Variants in ACSBG1 observed in about 807,000 individuals in gnomAD.
ACSBG1 encodes the protein acyl-CoA synthetase bubblegum family member 1.
A neutral mutation model predicts 80.2 loss-of-function variants in ACSBG1; 39 were observed. The ratio of observed to expected loss-of-function variants is 0.49; its 90% CI spans 0.38 to 0.64. The LOEUF is 0.64. Ranked by LOEUF, ACSBG1 falls within the 30% of genes least tolerant of loss-of-function variation. The pLI, the probability that ACSBG1 is intolerant of heterozygous loss-of-function variation, is 0.00. For missense variants in ACSBG1, 828 were observed against 966.4 expected (o/e 0.86, Z 1.90); for synonymous variants, 392 against 379.5 (o/e 1.03, Z -0.38).
At chr15:78,212,787 C>T (rs545131107) in intron 1 of ACSBG1, 3 of 331,738 alleles carry the variant, frequency 9.0e-6, no homozygotes, top group Admixed American at 7.5e-5. Flanking sequence ...GGGACAGCTG[C>T]CCTCTTTCCT....
In ACSBG1 at chr15:78,173,667, G is replaced by A. The variant is rs912390016; in HGVS notation, c.2015C>T (p.Ala672Val). The A allele has an allele frequency of 3.1e-6, 5 of 1,614,202 alleles. No individual in the cohort carries two copies. Among genetic ancestry groups the A allele is most frequent in the South Asian group, 1.1e-5 (1 of 91,078 alleles). The part of the protein sequence containing the change: ...EEGIRRVNMN[A>V]AARPYHIQKW... Reference sequence around the variant, plus strand: ...CTGGATGTGGTAGGGCCGGGCCGCCGCGTTCATGTTGACCCTCCGGATCCC... The same window carrying A: ...CTGGATGTGGTAGGGCCGGGCCGCCACGTTCATGTTGACCCTCCGGATCCC... Residue 672 changes from alanine (A) to valine (V), a missense_variant, in exon 13 of 14, where the codon GCG becomes GTG. Physicochemically the swap from Ala to Val is moderately conservative, Grantham distance 64 (BLOSUM62 0). Around this residue, in one of 3 missense-constraint regions of ACSBG1, gnomAD observed 201 missense variants for 227.0 expected, o/e 0.89. Coordinates refer to ENST00000258873, the MANE Select transcript of ACSBG1 (RefSeq NM_015162.5).
Position 78,171,526 on chromosome 15 carries a change from G to C in ACSBG1, c.2093C>G (p.Pro698Arg). ...TGTGAGCCGTTTCAGTTTCATCGTG[G>C]GACCTAAAAGGGAAATGAGAAGAAA... ...DFSISGGELG[P>R]TMKLKRLTVL... is the part of the protein sequence containing the mutation. The change falls in exon 14 of 14, where the codon CCC becomes CGC. Residue 698 changes from proline (P) to arginine (R), a missense_variant. This residue lies in a region of ACSBG1 where 201 missense variants were observed against 227.0 expected (regional missense o/e 0.89). Transcript: ENST00000258873. 1 of 1,613,836 alleles carries C rather than the reference G, an allele frequency of 6.2e-7. No individual in the cohort carries two copies. Among genetic ancestry groups the C allele is most frequent in the Non-Finnish European group, 8.5e-7 (1 of 1,179,762 alleles).
intron 2 of ACSBG1, among the ~76,000 whole-genome samples, chr15:78,200,205 T>C (rs2075154043): frequency 6.6e-6 from 1 of 152,182 alleles, no homozygotes; most frequent in Non-Finnish European, 1.5e-5. Context: ...AAGGAGGGAA[T>C]GAGGCATGGG....
chr15:78,219,706 C>T (rs953411089), intron 1 of ACSBG1, among the ~76,000 whole-genome samples: 6 of 152,160 alleles, frequency 3.9e-5, no homozygotes, highest in African/African-American at 1.4e-4. Context: ...AAGACCTGGC[C>T]GGGCGCGGTG....
At chr15:78,180,702 T>C in intron 9 of ACSBG1, 53 bp downstream of exon 9, 1 of 1,582,384 alleles carries the variant, frequency 6.3e-7, no homozygotes, top group Non-Finnish European at 8.6e-7. Flanking sequence ...GTGTTTTGGG[T>C]TATGACCCAG....
At chr15:78,207,797 A>C (rs1184281324) in intron 2 of ACSBG1, 2 of 583,370 alleles carry the variant, frequency 3.4e-6, no homozygotes, top group Admixed American at 2.9e-5. Context: ...CCCATCCCTC[A>C]TTCCTTTCCA....
At chr15:78,186,305 A>C (rs1412476957) in intron 5 of ACSBG1, among the ~76,000 whole-genome samples, 1 of 152,228 alleles carries the variant, frequency 6.6e-6, no homozygotes, top group Non-Finnish European at 1.5e-5. Flanking sequence ...AATTGAACTC[A>C]GCTCTGCACC....
chr15:78,206,308 C>T (rs939498490), intron 2 of ACSBG1, among the ~76,000 whole-genome samples: 1 of 152,192 alleles, frequency 6.6e-6, no homozygotes, highest in Non-Finnish European at 1.5e-5. Context: ...CTGAGGACAG[C>T]CACAGGTCCT....
In ACSBG1 at chr15:78,172,509, G is replaced by T. The variant is rs1015210215; in HGVS notation, c.2090-980C>A. ...TGAAAGAGCTCTGATTTGAGGTCCT[G>T]GGTAGCTTAAAGTGCCTAACTCACT... On this transcript the variant is annotated intron_variant, in intron 13 of 13. Coordinates refer to ENST00000258873, the MANE Select transcript of ACSBG1 (RefSeq NM_015162.5). This position sits in a 1 kb window ranked among gnomAD's most constrained non-coding sequence, Gnocchi z 4.1. Among the ~76,000 whole-genome samples the T allele has an allele frequency of 9.2e-5, 14 of 152,142 alleles. No homozygotes were observed. The highest frequency in any genetic ancestry group is 1.9e-4 in the Non-Finnish European group (13 of 68,030).
rs958138352 is a variant in ACSBG1 at position 78,172,851 on chromosome 15, A to C, written c.2089+742T>G. On this transcript the variant is annotated intron_variant, in intron 13 of 13. Transcript: ENST00000258873. This position sits in a 1 kb window ranked among gnomAD's most constrained non-coding sequence, Gnocchi z 4.1. ...AGAGCCCTCTCCTGGTTCTGTGGGCAGTGGTCCGGAACAGCCTTATCCCTT... is the reference window on the plus strand; with the variant it reads ...AGAGCCCTCTCCTGGTTCTGTGGGCCGTGGTCCGGAACAGCCTTATCCCTT... Among the ~76,000 whole-genome samples, 2 of 152,210 alleles carry C rather than the reference A, an allele frequency of 1.3e-5. No individual in the cohort carries two copies. Among genetic ancestry groups the C allele is most frequent in the Admixed American group, 6.5e-5 (1 of 15,284 alleles).
chr15:78,170,573 C>G lies in ACSBG1; in HGVS notation c.*871G>C, dbSNP rs1170970993. 6.6e-6 allele frequency: 1 copy of G among 152,266 alleles called. No individual in the cohort carries two copies. The highest frequency in any genetic ancestry group is 1.5e-5 in the Non-Finnish European group (1 of 68,046). 9.4% of individuals were successfully genotyped at this position (152,266 alleles called of 1,614,324 possible). A position where few individuals can be genotyped will look rare whatever the true frequency, so the allele number is the denominator to read the frequency against. ...TTGCTTTCTCTACCTGTTTCCTGTT[C>G]AGATGCCTTCGGTCATTTTGGCTCA... On this transcript the variant is annotated 3_prime_UTR_variant, in exon 14 of 14. Coordinates refer to ENST00000258873, the MANE Select transcript of ACSBG1 (RefSeq NM_015162.5).
intron 2 of ACSBG1, 30 bp downstream of exon 2, chr15:78,207,972 G>GC (rs764143168): frequency 1.3e-6 from 1 of 771,044 alleles, no homozygotes; most frequent in Non-Finnish European, 2.1e-6. Flanking sequence ...TTCCCGCCCT[G>GC]CCCCACCCTA....
chr15:78,178,866 G>GAGCC lies in ACSBG1; in HGVS notation c.1485-39_1485-36dup. The GAGCC allele has an allele frequency of 6.4e-7, 1 of 1,567,532 alleles. No homozygotes were observed. Among genetic ancestry groups the GAGCC allele is most frequent in the Non-Finnish European group, 8.6e-7 (1 of 1,160,722 alleles). ...GAGGGGCCGGGAGACTGGTCAGAGG[G>GAGCC]AGCCGTCTCCTCCAAGCCCCCACTG... On this transcript the variant is annotated intron_variant, in intron 10 of 13. Coordinates refer to ENST00000258873, the MANE Select transcript of ACSBG1 (RefSeq NM_015162.5). This position sits in a 1 kb window ranked among gnomAD's most constrained non-coding sequence, Gnocchi z 4.3.
In ACSBG1 at chr15:78,182,358, G is replaced by A; in HGVS notation, c.894+108C>T. 3 of 1,472,970 alleles carry A rather than the reference G, an allele frequency of 2.0e-6. No homozygotes were observed. In the South Asian group the frequency reaches 3.7e-5, roughly 18 times the overall value. The allele number at this position is 1,472,970 out of a possible 1,614,324, so 91.2% of individuals were successfully genotyped here. A position where few individuals can be genotyped will look rare whatever the true frequency, so the allele number is the denominator to read the frequency against. On this transcript the variant is annotated intron_variant, in intron 7 of 13. Transcript: ENST00000258873. ...TGTTCTACCTATCCCAGCTCCTAGAGCAGAGGGGCCCAAGGAGCTTTCCCA... is the reference window on the plus strand; with the variant it reads ...TGTTCTACCTATCCCAGCTCCTAGAACAGAGGGGCCCAAGGAGCTTTCCCA...
intron 1 of ACSBG1, among the ~76,000 whole-genome samples, chr15:78,232,417 A>G (rs574360639): frequency 2.0e-5 from 3 of 152,156 alleles, no homozygotes; most frequent in Non-Finnish European, 4.4e-5. Context: ...TTCTGCCTCA[A>G]GTTTGCCTAC....
intron 2 of ACSBG1, among the ~76,000 whole-genome samples, chr15:78,200,976 C>T (rs767176000): frequency 3.2e-4 from 48 of 152,204 alleles, no homozygotes; most frequent in Non-Finnish European, 4.6e-4. Flanking sequence ...CTCCCAGTTC[C>T]CTTTGGTTCC....
At chr15:78,214,296 G>A (rs2075290796) in intron 1 of ACSBG1, among the ~76,000 whole-genome samples, 3 of 152,172 alleles carry the variant, frequency 2.0e-5, no homozygotes, top group East Asian at 1.9e-4. Context: ...CACTTAGGGA[G>A]CTCACACACT....
chr15:78,171,616 T>C (rs1330158260), intron 13 of ACSBG1, 87 bp from the exon 14 acceptor site: 7 of 1,112,670 alleles, frequency 6.3e-6, no homozygotes, highest in African/African-American at 1.6e-5. Flanking sequence ...CTCAGTCCTA[T>C]ATATAACTCA....
At chr15:78,232,655 C>T (rs1404860419) in intron 1 of ACSBG1, among the ~76,000 whole-genome samples, 1 of 152,092 alleles carries the variant, frequency 6.6e-6, no homozygotes, top group Non-Finnish European at 1.5e-5. Flanking sequence ...GCCTGTCTAC[C>T]CCTGCTCTGG....
Sources: gnomAD v4.1 joint callset for allele counts (sites outside exome capture counted in the v4.1 genomes callset) on GRCh38, gnomAD v4.1.1 for gene constraint, gnomAD v4.1.1 regional missense constraint, Gnocchi (gnomAD v3.1) non-coding constraint, MANE v1.5 for transcripts, NCBI Gene and HGNC (gene_info 2026-07-23, HGNC 2026-07-21) for gene names.